DDX46: variants seen among roughly 807,000 people sequenced by gnomAD.
The protein encoded by DDX46 is probable ATP-dependent RNA helicase DDX46.
Under a neutral mutation model 134.9 loss-of-function variants are expected in DDX46, and 30 were observed. The ratio of observed to expected loss-of-function variants is 0.22; its 90% CI spans 0.17 to 0.30. The LOEUF is 0.30. Ranked by LOEUF, DDX46 falls within the 10% of genes least tolerant of loss-of-function variation. The pLI is 1.00. For missense variants in DDX46, 622 were observed against 1,248.7 expected, an observed-to-expected ratio of 0.50 and a Z score of 7.56; for synonymous variants, 415 against 404.1, an observed-to-expected ratio of 1.03 and a Z score of -0.32.
intron 5 of DDX46, among the ~76,000 whole-genome samples, chr5:134,774,065 CTTT>C (rs1753859058): frequency 6.6e-6 from 1 of 152,258 alleles, no homozygotes; most frequent in South Asian, 2.1e-4. Context: ...GTTTCCATGA[CTTT>C]TTCGTCATTC....
chr5:134,777,261 C>T (rs956052002), intron 5 of DDX46, among the ~76,000 whole-genome samples: 14 of 152,198 alleles, frequency 9.2e-5, no homozygotes, highest in African/African-American at 3.1e-4. Flanking sequence ...GTTCTGCATC[C>T]AGCTGTATAG....
At chr5:134,767,963 CAAAA>C (rs897207843) in intron 3 of DDX46, among the ~76,000 whole-genome samples, 2 of 147,540 alleles carry the variant, frequency 1.4e-5, no homozygotes, top group South Asian at 2.2e-4. Context: ...AAAAAAAAAA[CAAAA>C]AAAAGTTAAC....
chr5:134,771,075 TTCTTTCTTTCTTTC>T (rs1264226854), intron 4 of DDX46, 76 bp downstream of exon 4: 33 of 463,332 alleles, frequency 7.1e-5, no homozygotes, highest in African/African-American at 8.6e-5. Flanking sequence ...CTTTCCCTCT[TTCTTTCTTTCTTTC>T]TCTTTCTTTC....
intron 3 of DDX46, among the ~76,000 whole-genome samples, chr5:134,769,783 G>A (rs923655689): frequency 6.6e-6 from 1 of 152,014 alleles, no homozygotes; most frequent in Non-Finnish European, 1.5e-5. Context: ...CTAACCTCAT[G>A]TGATCCACCT....
At chr5:134,785,019 T>G (rs1420169811) in intron 10 of DDX46, among the ~76,000 whole-genome samples, 1 of 152,140 alleles carries the variant, frequency 6.6e-6, no homozygotes, top group Non-Finnish European at 1.5e-5. Context: ...GAAAGTTGAG[T>G]AGGGTTTTGG....
At chr5:134,781,834 GA>G (rs1195350255) in intron 7 of DDX46, 86 bp from the exon 8 acceptor site, 15 of 1,284,310 alleles carry the variant, frequency 1.2e-5, no homozygotes, top group African/African-American at 3.0e-5. Context: ...TCTAGGAGAG[GA>G]AGATTTGAAA....
Position 134,781,184 on chromosome 5 carries a change from G to A in DDX46, c.817G>A (p.Ala273Thr). The A allele has an allele frequency of 6.2e-7, 1 of 1,603,286 alleles. No individual in the cohort carries two copies. Among genetic ancestry groups the A allele is most frequent in the South Asian group, 1.1e-5 (1 of 88,214 alleles). ...TGTCACTGTTGTGACAACCAAAAAA[G>A]CAGTTGTGGATTCTGATAAGAAGAA... ...KVVTVVTTKK[A>T]VVDSDKKKGE... The change falls in exon 7 of 23, where the codon GCA (alanine) becomes ACA (threonine). Residue 273 changes from alanine (A) to threonine (T), a missense_variant. Physicochemically the swap from Ala to Thr is moderately conservative, Grantham distance 58. Around this residue, in one of 8 missense-constraint regions of DDX46, gnomAD observed 244 missense variants for 349.3 expected, o/e 0.70. Transcript: ENST00000452510.
chr5:134,799,934 A>G (rs149168099), intron 15 of DDX46, among the ~76,000 whole-genome samples: 1 of 151,972 alleles, frequency 6.6e-6, no homozygotes, highest in African/African-American at 2.4e-5. Context: ...CTCTGTCCCT[A>G]CCCCTCCAGA....
chr5:134,803,253 C>T (rs1754885423), intron 15 of DDX46, among the ~76,000 whole-genome samples: 2 of 152,120 alleles, frequency 1.3e-5, no homozygotes, highest in Admixed American at 1.3e-4. Context: ...CTTGGCCTCC[C>T]AAAGTACTGG....
intron 15 of DDX46, among the ~76,000 whole-genome samples, chr5:134,800,656 C>G (rs1397029989): frequency 6.6e-6 from 1 of 151,964 alleles, no homozygotes; most frequent in African/African-American, 2.4e-5. Context: ...CTGGCAACCA[C>G]TCGTGTGTGT....
In DDX46 at chr5:134,809,039, A is replaced by G. The variant is rs550696581; in HGVS notation, c.2148+1098A>G. Among the ~76,000 whole-genome samples, 3 of 152,306 alleles carry G rather than the reference A, an allele frequency of 2.0e-5. No individual in the cohort carries two copies. In the East Asian group the frequency reaches 5.8e-4, roughly 29 times the overall value. On this transcript the variant is annotated intron_variant, in intron 16 of 22. Coordinates refer to ENST00000452510, the MANE Select transcript of DDX46 (RefSeq NM_001300860.2). Reference sequence around the variant, plus strand: ...TCCTTAAAACTTTCCTTTGAGGTAAATAATATTACTCTATTTTATAGATGA... The same window carrying G: ...TCCTTAAAACTTTCCTTTGAGGTAAGTAATATTACTCTATTTTATAGATGA...
intron 15 of DDX46, among the ~76,000 whole-genome samples, chr5:134,803,162 T>A (rs969099396): frequency 6.6e-6 from 1 of 152,008 alleles, no homozygotes; most frequent in Non-Finnish European, 1.5e-5. Flanking sequence ...CCCAGCTAAT[T>A]TTTGTGTTTT....
rs903262009 is a variant in DDX46, at chr5:134,829,373, C to G, written c.*667C>G. 1 of 152,138 alleles carries G rather than the reference C, an allele frequency of 6.6e-6. No individual in the cohort carries two copies. The highest frequency in any genetic ancestry group is 1.5e-5 in the Non-Finnish European group (1 of 68,028). The allele number at this position is 152,138 out of a possible 1,614,324, so 9.4% of individuals were successfully genotyped here. ...TATAGTATTTACTACTTTGAGGTTTCCCTCACAACTTCTGGCTCCATACCT... is the reference window on the plus strand; with the variant it reads ...TATAGTATTTACTACTTTGAGGTTTGCCTCACAACTTCTGGCTCCATACCT... On this transcript the variant is annotated 3_prime_UTR_variant, in exon 23 of 23. Coordinates refer to ENST00000452510, the MANE Select transcript of DDX46 (RefSeq NM_001300860.2).
At chr5:134,760,353 GAA>G (rs988375823) in intron 1 of DDX46, among the ~76,000 whole-genome samples, 1 of 152,200 alleles carries the variant, frequency 6.6e-6, no homozygotes, top group African/African-American at 2.4e-5. Context: ...AGGTGTTAGA[GAA>G]ATAGCTAAAA....
At chr5:134,824,507 AGGTAGAG>A in intron 21 of DDX46, among the ~76,000 whole-genome samples, 1 of 152,142 alleles carries the variant, frequency 6.6e-6, no homozygotes, top group African/African-American at 2.4e-5. Context: ...TGGAAACAGA[AGGTAGAG>A]GTTGCAGTGA....
intron 5 of DDX46, among the ~76,000 whole-genome samples, chr5:134,774,544 T>G (rs1040241654): frequency 6.6e-6 from 1 of 152,198 alleles, no homozygotes; most frequent in Non-Finnish European, 1.5e-5. Flanking sequence ...AGAATTGTGT[T>G]TAGTAAGCAT....
intron 16 of DDX46, among the ~76,000 whole-genome samples, chr5:134,809,571 A>T (rs1355020713): frequency 1.3e-5 from 2 of 151,836 alleles, no homozygotes; most frequent in Non-Finnish European, 2.9e-5. Flanking sequence ...GTTTCTACTA[A>T]AACCTGTGTT....
chr5:134,764,861 A>G (rs971283290), intron 2 of DDX46, among the ~76,000 whole-genome samples: 5 of 126,018 alleles, frequency 4.0e-5, no homozygotes, highest in African/African-American at 1.5e-4. Flanking sequence ...CTTCCTCCCT[A>G]TCTCCTTCCC....
intron 18 of DDX46, among the ~76,000 whole-genome samples, chr5:134,814,726 C>G (rs1475485925): frequency 6.6e-6 from 1 of 152,152 alleles, no homozygotes; most frequent in Admixed American, 6.5e-5. Context: ...AGGTGATTCC[C>G]CACCTCAGCC....
Sources: allele counts gnomAD v4.1 joint callset (sites outside exome capture counted in the v4.1 genomes callset), GRCh38; gene constraint gnomAD v4.1.1; regional missense constraint gnomAD v4.1.1; transcripts MANE v1.5; gene names NCBI Gene and HGNC (gene_info 2026-07-23, HGNC 2026-07-21).